Variants in NFASC observed in about 807,000 individuals in gnomAD.
NFASC encodes neurofascin homolog.
NFASC carries 43 observed loss-of-function variants against 147.5 expected under a neutral mutation model. The observed-to-expected ratio is 0.29, with a 90% CI of 0.23 to 0.38. The LOEUF (loss-of-function observed/expected upper bound fraction) is 0.38. NFASC is among the 10% of genes least tolerant of loss of function. The pLI is 1.00. For missense variants in NFASC, 1,320 were observed against 1,689.0 expected (o/e 0.78, Z 3.83); for synonymous variants, 622 against 665.5 (o/e 0.93, Z 1.01).
intron 7 of NFASC, among the ~76,000 whole-genome samples, chr1:204,955,257 T>C (rs1353794545): frequency 6.6e-6 from 1 of 152,176 alleles, no homozygotes; most frequent in African/African-American, 2.4e-5. Flanking sequence ...AGGATTATTA[T>C]AAGAATAAAT....
intron 17 of NFASC, 49 bp from the exon 18 acceptor site, chr1:204,978,919 G>A: frequency 6.3e-6 from 9 of 1,418,770 alleles, no homozygotes; most frequent in Non-Finnish European, 8.7e-6. Context: ...CATCACAAGG[G>A]TGGACCTGCT....
chr1:204,965,785 C>A (rs1291396405), intron 8 of NFASC, among the ~76,000 whole-genome samples: 1 of 152,210 alleles, frequency 6.6e-6, no homozygotes, highest in East Asian at 1.9e-4. Context: ...GAAGTAGGAA[C>A]AAGTGGGATG....
In NFASC at chr1:204,888,968, T is replaced by C. The variant is rs1034553861; in HGVS notation, c.-199-31664T>C. On this transcript the variant is annotated intron_variant, in intron 1 of 29. Coordinates refer to ENST00000339876, the MANE Select transcript of NFASC (RefSeq NM_001005388.3). ...CTTCTGAATGATCCCAGCTTGAGAG[T>C]TGAAGCACGAGTCTTCCTTGGGGTT... is the stretch of plus-strand genomic sequence containing the variant. 2.0e-5 allele frequency among the ~76,000 whole-genome samples: 3 copies of C among 152,084 alleles called. No homozygotes were observed. The East Asian group carries it at 5.8e-4, about 29-fold the overall frequency.
At chr1:204,883,851 G>A (rs1189728495) in intron 1 of NFASC, among the ~76,000 whole-genome samples, 1 of 152,200 alleles carries the variant, frequency 6.6e-6, no homozygotes, top group Non-Finnish European at 1.5e-5. Context: ...CATGCTGCAG[G>A]GATGAGTGGT....
chr1:204,923,300 C>T (rs1477184930), intron 2 of NFASC, among the ~76,000 whole-genome samples: 1 of 152,120 alleles, frequency 6.6e-6, no homozygotes, highest in African/African-American at 2.4e-5. Context: ...ATGGAGCTGC[C>T]CCAAGCGTCT....
chr1:204,829,666 G>T (rs1671655643), intron 1 of NFASC, among the ~76,000 whole-genome samples: 1 of 152,152 alleles, frequency 6.6e-6, no homozygotes, highest in Admixed American at 6.5e-5. Context: ...TAGATGGATT[G>T]GGGGAGGGGG....
At chr1:204,853,359 T>C (rs1458138635) in intron 1 of NFASC, among the ~76,000 whole-genome samples, 2 of 152,200 alleles carry the variant, frequency 1.3e-5, no homozygotes, top group Non-Finnish European at 2.9e-5. Flanking sequence ...TTTTTGTATG[T>C]TAATCCTCTT....
chr1:205,019,225 G>C lies in NFASC; in HGVS notation c.*2686G>C, dbSNP rs1248925123. The C allele has an allele frequency of 1.3e-5, 2 of 152,350 alleles. No individual in the cohort carries two copies. Among genetic ancestry groups the C allele is most frequent in the African/African-American group, 4.8e-5 (2 of 41,462 alleles). The allele number at this position is 152,350 out of a possible 1,614,324, so 9.4% of individuals were successfully genotyped here. The stretch of plus-strand genomic sequence containing the variant: ...TGCATTTTCCATGGAGCCCATGTCA[G>C]AGTCCACTCCAGCTCAGCAGGAAAG... On this transcript the variant is annotated 3_prime_UTR_variant, in exon 30 of 30. Coordinates refer to ENST00000339876, the MANE Select transcript of NFASC (RefSeq NM_001005388.3).
At chr1:204,868,091 G>A (rs894679108) in intron 1 of NFASC, among the ~76,000 whole-genome samples, 1 of 152,240 alleles carries the variant, frequency 6.6e-6, no homozygotes, top group South Asian at 2.1e-4. Flanking sequence ...CACTTTCCAC[G>A]CTGGGAAATG....
chr1:204,900,869 G>T (rs1488304127), intron 1 of NFASC, among the ~76,000 whole-genome samples: 1 of 152,124 alleles, frequency 6.6e-6, no homozygotes, highest in Non-Finnish European at 1.5e-5. Context: ...TGGAAATGGG[G>T]TCTTGCTATG....
At chr1:204,952,169 T>C in intron 5 of NFASC, 53 bp downstream of exon 5, 1 of 1,370,344 alleles carries the variant, frequency 7.3e-7, no homozygotes, top group South Asian at 1.2e-5. Context: ...CCTCTGGGCC[T>C]GATGATAACT....
intron 1 of NFASC, among the ~76,000 whole-genome samples, chr1:204,915,761 T>C (rs551207038): frequency 1.1e-4 from 16 of 152,280 alleles, no homozygotes; most frequent in African/African-American, 3.4e-4. Context: ...AGAATTTTGA[T>C]TGTGTGCTTC....
chr1:204,854,750 T>C (rs1046138685), intron 1 of NFASC, among the ~76,000 whole-genome samples: 2 of 152,212 alleles, frequency 1.3e-5, no homozygotes, highest in African/African-American at 4.8e-5. Flanking sequence ...CCAGAAGCCC[T>C]AATCTTTGCT....
intron 27 of NFASC, 137 bp downstream of exon 27, chr1:205,002,885 G>C: frequency 1.6e-6 from 1 of 636,302 alleles, no homozygotes; most frequent in Non-Finnish European, 2.3e-6. Context: ...GCGTGTCTCA[G>C]CTCTTATTAT....
At chr1:204,878,593 A>G (rs766460066) in intron 1 of NFASC, among the ~76,000 whole-genome samples, 20 of 152,252 alleles carry the variant, frequency 1.3e-4, no homozygotes, top group Admixed American at 9.8e-4. Context: ...TGTTTTTCAA[A>G]ATATACAAAA....
In NFASC at chr1:204,862,971, G is replaced by A. The variant is rs116736301; in HGVS notation, c.-200+34189G>A. Among the ~76,000 whole-genome samples, 285 of 152,346 alleles carry A rather than the reference G, an allele frequency of 1.9e-3. 2 individuals are homozygous for A. Among genetic ancestry groups the A allele is most frequent in the African/African-American group, 6.4e-3 (268 of 41,576 alleles). On this transcript the variant is annotated intron_variant, in intron 1 of 29. Transcript: ENST00000339876. ...AAGCACTTAGGCCAATGTGCTGGGT[G>A]TGTTTGACCTACTGGATGTGGTGCT... is the stretch of plus-strand genomic sequence containing the variant.
chr1:204,959,606 A>G (rs2094575191), intron 8 of NFASC, among the ~76,000 whole-genome samples: 1 of 152,218 alleles, frequency 6.6e-6, no homozygotes, highest in Non-Finnish European at 1.5e-5. Flanking sequence ...GACAGCCATC[A>G]GCATCACCAC....
intron 2 of NFASC, among the ~76,000 whole-genome samples, chr1:204,935,377 A>G (rs1048408554): frequency 1.3e-5 from 2 of 152,254 alleles, no homozygotes; most frequent in Non-Finnish European, 2.9e-5. Context: ...ACTCAGAGGC[A>G]GGCAGGGGAG....
intron 15 of NFASC, among the ~76,000 whole-genome samples, chr1:204,976,456 C>T (rs536317009): frequency 1.3e-5 from 2 of 152,314 alleles, no homozygotes; most frequent in South Asian, 2.1e-4. Context: ...ACTTGAGCTC[C>T]GCCCACTCTC....
Sources: gnomAD v4.1 joint callset for allele counts (sites outside exome capture counted in the v4.1 genomes callset) on GRCh38, gnomAD v4.1.1 for gene constraint, MANE v1.5 for transcripts, NCBI Gene and HGNC (gene_info 2026-07-23, HGNC 2026-07-21) for gene names.